Variants in LRP1B observed in about 807,000 individuals in gnomAD.
LRP1B encodes low-density lipoprotein receptor-related protein 1B.
Under a neutral mutation model 556.6 loss-of-function variants are expected in LRP1B, and 217 were observed. The ratio of observed to expected loss-of-function variants is 0.39; its 90% CI spans 0.35 to 0.44. The LOEUF is 0.44. Ranked by LOEUF, LRP1B falls within the 20% of genes least tolerant of loss-of-function variation. The pLI is 1.00. For missense variants in LRP1B, 5,053 were observed against 5,620.8 expected (o/e 0.90, Z 3.23); for synonymous variants, 2,047 against 1,865.8 (o/e 1.10, Z -2.50).
intron 63 of LRP1B, among the ~76,000 whole-genome samples, chr2:140,447,394 C>CT (rs897202116): frequency 1.1e-4 from 16 of 148,894 alleles, no homozygotes; most frequent in Admixed American, 4.1e-4. Context: ...GCATGTCATA[C>CT]TTTTTTTTTT....
At chr2:141,390,748 G>C (rs577253299) in intron 3 of LRP1B, among the ~76,000 whole-genome samples, 9 of 152,192 alleles carry the variant, frequency 5.9e-5, no homozygotes, top group African/African-American at 2.2e-4. Context: ...AGAGAGAGAA[G>C]GTGGACTGGT....
At chr2:141,292,379 T>A (rs12473777) in intron 3 of LRP1B, among the ~76,000 whole-genome samples, 1 of 151,960 alleles carries the variant, frequency 6.6e-6, no homozygotes, top group African/African-American at 2.4e-5. Flanking sequence ...TATCAACTCA[T>A]AGTTCAGTAT....
At chr2:140,673,930 CTCTTT>C (rs144333607) in intron 41 of LRP1B, among the ~76,000 whole-genome samples, 1,898 of 150,820 alleles carry the variant, frequency 0.013, 41 homozygotes, top group African/African-American at 0.044. Context: ...CGAAATATAT[CTCTTT>C]TCTTTTTTCT....
intron 33 of LRP1B, among the ~76,000 whole-genome samples, chr2:140,773,397 A>G (rs1409391093): frequency 1.3e-5 from 2 of 152,174 alleles, no homozygotes; most frequent in Non-Finnish European, 2.9e-5. Context: ...TGAACCCAGG[A>G]GACAGAAGTT....
At chr2:141,471,049 GAAC>G (rs1682443539) in intron 3 of LRP1B, among the ~76,000 whole-genome samples, 1 of 152,070 alleles carries the variant, frequency 6.6e-6, no homozygotes, top group Non-Finnish European at 1.5e-5. Context: ...ACACATTAAA[GAAC>G]AACATGTAAT....
chr2:141,601,614 C>CCTTG (rs1687742340), intron 2 of LRP1B, among the ~76,000 whole-genome samples: 1 of 150,148 alleles, frequency 6.7e-6, no homozygotes. Context: ...TTCCTTCCTT[C>CCTTG]CTTCCTTCCT....
intron 2 of LRP1B, among the ~76,000 whole-genome samples, chr2:141,485,180 A>G (rs1454470546): frequency 6.6e-6 from 1 of 152,186 alleles, no homozygotes; most frequent in Non-Finnish European, 1.5e-5. Context: ...GTTTCTTTAG[A>G]CTAGCCACTA....
intron 7 of LRP1B, among the ~76,000 whole-genome samples, chr2:141,070,090 G>A (rs1302495846): frequency 6.6e-6 from 1 of 151,402 alleles, no homozygotes; most frequent in African/African-American, 2.4e-5. Context: ...TACTGAGAAT[G>A]ATGATTTCCA....
chr2:141,552,195 C>T (rs1166920140), intron 2 of LRP1B, among the ~76,000 whole-genome samples: 1 of 151,956 alleles, frequency 6.6e-6, no homozygotes, highest in African/African-American at 2.4e-5. Context: ...TAATTAGACT[C>T]AAGGACAAAA....
chr2:140,413,879 A>C (rs1235896257), intron 66 of LRP1B, among the ~76,000 whole-genome samples: 1 of 152,106 alleles, frequency 6.6e-6, no homozygotes, highest in East Asian at 1.9e-4. Context: ...TACTCTCTTA[A>C]AAGATAGTTC....
chr2:140,585,877 T>C (rs1166947511), intron 43 of LRP1B, among the ~76,000 whole-genome samples: 1 of 152,186 alleles, frequency 6.6e-6, no homozygotes, highest in Admixed American at 6.5e-5. Flanking sequence ...TTCAATGTCT[T>C]TGGCCTGCAG....
chr2:141,205,402 A>T (rs1682229714), intron 6 of LRP1B, among the ~76,000 whole-genome samples: 1 of 152,224 alleles, frequency 6.6e-6, no homozygotes, highest in Non-Finnish European at 1.5e-5. Context: ...GATAGATAAC[A>T]ATGAGAGTCC....
intron 2 of LRP1B, among the ~76,000 whole-genome samples, chr2:141,631,454 C>T (rs755228163): frequency 2.2e-4 from 32 of 147,968 alleles, no homozygotes; most frequent in Admixed American, 6.9e-4. Flanking sequence ...CTAGGTCCAA[C>T]AGACCAGACT....
chr2:141,405,105 A>G (rs544523717), intron 3 of LRP1B, among the ~76,000 whole-genome samples: 2 of 152,246 alleles, frequency 1.3e-5, no homozygotes, highest in South Asian at 2.1e-4. Flanking sequence ...AAAAAACAAA[A>G]CAAAAACAAA....
intron 7 of LRP1B, among the ~76,000 whole-genome samples, chr2:141,166,089 C>G (rs1680241336): frequency 6.6e-6 from 1 of 151,902 alleles, no homozygotes; most frequent in East Asian, 1.9e-4. Flanking sequence ...TTCCTTACCC[C>G]ACATACGCTA....
chr2:141,474,239 T>C (rs1483499865), intron 3 of LRP1B, among the ~76,000 whole-genome samples: 2 of 151,534 alleles, frequency 1.3e-5, no homozygotes, highest in Non-Finnish European at 2.9e-5. Flanking sequence ...AATGGAGTTC[T>C]GTAAAACCTC....
chr2:140,509,075 C>CACACAA (rs1553476899), intron 52 of LRP1B, among the ~76,000 whole-genome samples: 1 of 64,062 alleles, frequency 1.6e-5, no homozygotes, highest in African/African-American at 5.2e-5. Context: ...CACACACACA[C>CACACAA]ACACACAAAC....
chr2:141,526,668 C>A (rs1000885591), intron 2 of LRP1B, among the ~76,000 whole-genome samples: 2 of 151,960 alleles, frequency 1.3e-5, no homozygotes, highest in Non-Finnish European at 2.9e-5. Context: ...TAGACCCCAC[C>A]AGCATAAACC....
Position 140,886,160 on chromosome 2 carries a change from C to A in LRP1B, c.3942G>T (p.Arg1314=). The A allele has an allele frequency of 6.3e-7, 1 of 1,598,570 alleles. No individual in the cohort carries two copies. The highest frequency in any genetic ancestry group is 8.5e-7 in the Non-Finnish European group (1 of 1,172,120). Residue 1314 remains arginine (R), a synonymous_variant, in exon 24 of 91, where the codon CGG becomes CGT. Coordinates refer to ENST00000389484, the MANE Select transcript of LRP1B (RefSeq NM_018557.3). ...WTDVVEDRIY[R]GKLSESGGVS... ...TACCTCCACTTTCAGAAAGCTTTCC[C>A]CGGTATATTCTGTCTTCTACAACAT...
Sources: allele counts gnomAD v4.1 joint callset (sites outside exome capture counted in the v4.1 genomes callset), GRCh38; gene constraint gnomAD v4.1.1; transcripts MANE v1.5; gene names NCBI Gene and HGNC (gene_info 2026-07-23, HGNC 2026-07-21).